The following CUX1 variants were observed in gnomAD, a reference collection of about 807,000 sequenced individuals.
CUX1 encodes the protein protein CASP.
In CUX1, 31 loss-of-function variants were observed where a neutral mutation model predicts 158.8. The observed-to-expected ratio is 0.20, with a 90% CI of 0.15 to 0.26. The LOEUF (loss-of-function observed/expected upper bound fraction) is 0.26, where lower values mean the gene tolerates loss of function less well. CUX1 is among the 10% of genes least tolerant of loss of function. The probability of loss-of-function intolerance (pLI) is 1.00; values close to 1 mark genes in which losing one functional copy is unlikely to be tolerated. For missense variants in CUX1, 1,589 were observed against 2,014.6 expected (o/e 0.79, Z 4.04); for synonymous variants, 879 against 862.1 (o/e 1.02, Z -0.34).
At chr7:102,269,002 T>C (rs907511451) in intron 14 of CUX1, among the ~76,000 whole-genome samples, 2 of 151,450 alleles carry the variant, frequency 1.3e-5, no homozygotes, top group Non-Finnish European at 2.9e-5. Context: ...AGTGGTGTGA[T>C]CACAGCTCAC....
intron 10 of CUX1, among the ~76,000 whole-genome samples, chr7:102,177,814 A>T (rs1792553423): frequency 6.6e-6 from 1 of 152,140 alleles, no homozygotes; most frequent in African/African-American, 2.4e-5. Context: ...ATTACTAATA[A>T]GTGTATTTTC....
intron 1 of CUX1, among the ~76,000 whole-genome samples, chr7:101,834,487 TAAAG>T (rs1038359717): frequency 2.6e-5 from 4 of 152,162 alleles, no homozygotes; most frequent in Non-Finnish European, 5.9e-5. Context: ...TTTCTATTTT[TAAAG>T]AAAGAGCAAG....
intron 2 of CUX1, among the ~76,000 whole-genome samples, chr7:101,930,430 G>A (rs890731868): frequency 6.6e-6 from 1 of 152,134 alleles, no homozygotes; most frequent in South Asian, 2.1e-4. Context: ...AATGACAATT[G>A]GATACCAAGC....
chr7:101,853,584 G>GGGGTGTGTGTGT (rs754780783), intron 1 of CUX1, among the ~76,000 whole-genome samples: 5 of 140,868 alleles, frequency 3.5e-5, no homozygotes, highest in South Asian at 4.7e-4. Flanking sequence ...CAATAGAAAG[G>GGGGTGTGTGTGT]GTGTGTGTGT....
chr7:101,849,912 A>ATTTTTTT (rs71106570), intron 1 of CUX1, among the ~76,000 whole-genome samples: 1 of 124,298 alleles, frequency 8.0e-6, no homozygotes, highest in Non-Finnish European at 1.6e-5. Flanking sequence ...GTCTCATGCA[A>ATTTTTTT]TTTTTTTTTT....
At chr7:101,965,848 CAAAAAAA>C (rs36052208) in intron 2 of CUX1, among the ~76,000 whole-genome samples, 2 of 50,154 alleles carry the variant, frequency 4.0e-5, no homozygotes, top group South Asian at 1.3e-3. Context: ...GACTCCATCT[CAAAAAAA>C]AAAAAAAAAA....
chr7:102,168,307 C>T (rs1791281645), intron 9 of CUX1, among the ~76,000 whole-genome samples: 1 of 152,098 alleles, frequency 6.6e-6, no homozygotes, highest in Non-Finnish European at 1.5e-5. Flanking sequence ...AGAGGCAAGG[C>T]AGGCGGCCAC....
At chr7:102,261,578 G>C (rs549010008), downstream of CUX1, among the ~76,000 whole-genome samples, 2 of 151,412 alleles carry the variant, frequency 1.3e-5, no homozygotes, top group East Asian at 1.9e-4. Context: ...TAATAGCAGA[G>C]CTTCCCATTT....
downstream of CUX1, among the ~76,000 whole-genome samples, chr7:102,261,875 G>A (rs1790425711): frequency 6.6e-6 from 1 of 152,204 alleles, no homozygotes; most frequent in Non-Finnish European, 1.5e-5. Flanking sequence ...CCAAGGCTTT[G>A]GGAAGCCAAG....
Position 102,254,553 on chromosome 7 carries a change from A to G in CUX1, c.*5511A>G. 1 of 985,524 alleles carries G rather than the reference A, an allele frequency of 1.0e-6. No individual in the cohort carries two copies. Among genetic ancestry groups the G allele is most frequent in the African/African-American group, 1.7e-5 (1 of 57,370 alleles). The allele number at this position is 985,524 out of a possible 1,614,324, so 61.0% of individuals were successfully genotyped here. A position where few individuals can be genotyped will look rare whatever the true frequency, so the allele number is the denominator to read the frequency against. The stretch of plus-strand genomic sequence containing the variant: ...CTGGTGGTTGGAGGTGGGTCTGTCC[A>G]CTGTGGGGGCCAAAGTGTTCCCCTG... On this transcript the variant is annotated 3_prime_UTR_variant, in exon 24 of 24. Coordinates refer to ENST00000292535, the MANE Select transcript of CUX1 (RefSeq NM_181552.4).
chr7:101,947,870 G>C (rs1808586337), intron 2 of CUX1, among the ~76,000 whole-genome samples: 1 of 152,168 alleles, frequency 6.6e-6, no homozygotes, highest in African/African-American at 2.4e-5. Flanking sequence ...AGAAAGTTCA[G>C]CTCCCAGGAA....
rs1554534279 is a variant in CUX1, at chr7:102,239,806, G to A, written c.3887+222G>A. Among the ~76,000 whole-genome samples, 6 of 152,052 alleles carry A rather than the reference G, an allele frequency of 3.9e-5. No homozygotes were observed. The South Asian group carries it at 1.0e-3, about 26-fold the overall frequency. ...TTGTTGCCCAGGCTAGAGTGCATTG[G>A]CGCAATCTCGGCTCACTGCAACCTC... On this transcript the variant is annotated intron_variant, in intron 23 of 23. Transcript: ENST00000292535.
chr7:101,971,319 A>G (rs1811925272), intron 2 of CUX1, among the ~76,000 whole-genome samples: 2 of 152,312 alleles, frequency 1.3e-5, no homozygotes, highest in East Asian at 1.9e-4. Flanking sequence ...CAAGCAAGGC[A>G]TGAGACTGGG....
chr7:101,816,907 G>T, upstream of CUX1: 3 of 980,892 alleles, frequency 3.1e-6, no homozygotes, highest in Non-Finnish European at 3.6e-6. Flanking sequence ...CCCGCGTGTG[G>T]CTCCCGGCGC....
At chr7:102,106,378 G>T (rs942267317) in intron 6 of CUX1, among the ~76,000 whole-genome samples, 1 of 152,106 alleles carries the variant, frequency 6.6e-6, no homozygotes. Flanking sequence ...GTGAGCCACC[G>T]CACCCGGCTC....
chr7:102,277,110 G>C (rs1370559110), intron 17 of CUX1, among the ~76,000 whole-genome samples: 1 of 151,760 alleles, frequency 6.6e-6, no homozygotes, highest in Non-Finnish European at 1.5e-5. Context: ...GACCAGCCTG[G>C]GCAACGCAGT....
intron 11 of CUX1, among the ~76,000 whole-genome samples, chr7:102,186,604 T>TA (rs60057959): frequency 6.6e-6 from 1 of 151,294 alleles, no homozygotes; most frequent in South Asian, 2.1e-4. Flanking sequence ...TATTTTTTTT[T>TA]ATTTATGCCT....
intron 2 of CUX1, among the ~76,000 whole-genome samples, chr7:101,998,346 G>A (rs1816236026): frequency 6.6e-6 from 1 of 152,248 alleles, no homozygotes; most frequent in African/African-American, 2.4e-5. Context: ...TGTCTGAGCT[G>A]TAGGTGCACA....
intron 4 of CUX1, among the ~76,000 whole-genome samples, chr7:102,087,931 G>T (rs1232477782): frequency 6.6e-6 from 1 of 151,586 alleles, no homozygotes; most frequent in Non-Finnish European, 1.5e-5. Flanking sequence ...CATTTATTAT[G>T]ATATAGGCAC....
Sources: allele counts gnomAD v4.1 joint callset (sites outside exome capture counted in the v4.1 genomes callset), GRCh38; gene constraint gnomAD v4.1.1; transcripts MANE v1.5; gene names NCBI Gene and HGNC (gene_info 2026-07-23, HGNC 2026-07-21).